The following PRUNE2 variants were observed in gnomAD, a reference collection of about 807,000 sequenced individuals.
PRUNE2 encodes the protein protein prune homolog 2.
PRUNE2 carries 164 observed loss-of-function variants against 252.0 expected under a neutral mutation model. The ratio of observed to expected loss-of-function variants is 0.65; its 90% CI spans 0.57 to 0.74. PRUNE2 has a LOEUF of 0.74. Ranked by LOEUF, PRUNE2 falls within the 30% of genes least tolerant of loss-of-function variation. The pLI, the probability that PRUNE2 is intolerant of heterozygous loss-of-function variation, is 0.00. For synonymous variants in PRUNE2, 1,292 were observed against 1,350.2 expected, an observed-to-expected ratio of 0.96 and a Z score of 0.94; for missense variants, 3,495 against 3,711.0, an observed-to-expected ratio of 0.94 and a Z score of 1.51.
chr9:76,854,996 G>A (rs2060163607), intron 1 of PRUNE2, among the ~76,000 whole-genome samples: 1 of 149,202 alleles, frequency 6.7e-6, no homozygotes, highest in Admixed American at 6.7e-5. Context: ...AACCCAGGAG[G>A]CGGAGGTTGC....
intron 17 of PRUNE2, among the ~76,000 whole-genome samples, chr9:76,622,456 C>A (rs1466230257): frequency 6.6e-6 from 1 of 152,092 alleles, no homozygotes; most frequent in African/African-American, 2.4e-5. Flanking sequence ...AGAAACATGA[C>A]AATATGACTT....
intron 6 of PRUNE2, among the ~76,000 whole-genome samples, chr9:76,780,490 A>AT (rs2054259217): frequency 6.6e-6 from 1 of 152,056 alleles, no homozygotes; most frequent in African/African-American, 2.4e-5. Flanking sequence ...GATCAAGACC[A>AT]TCCTGGCTAA....
At chr9:76,820,103 G>A (rs763870102) in intron 6 of PRUNE2, among the ~76,000 whole-genome samples, 1 of 152,126 alleles carries the variant, frequency 6.6e-6, no homozygotes, top group Non-Finnish European at 1.5e-5. Flanking sequence ...TGGCTTGGAG[G>A]CTGAGCGAAA....
intron 6 of PRUNE2, among the ~76,000 whole-genome samples, chr9:76,778,208 C>G (rs1261582277): frequency 6.6e-6 from 1 of 152,210 alleles, no homozygotes; most frequent in East Asian, 1.9e-4. Flanking sequence ...CTGAGGAAGA[C>G]TGCTGCAGGC....
intron 9 of PRUNE2, among the ~76,000 whole-genome samples, chr9:76,698,602 A>G (rs1251888611): frequency 6.6e-6 from 1 of 152,104 alleles, no homozygotes; most frequent in East Asian, 1.9e-4. Flanking sequence ...CAGGGTTCCC[A>G]TTATCCAACA....
chr9:76,837,233 A>G (rs2059038698), intron 4 of PRUNE2, among the ~76,000 whole-genome samples: 1 of 151,980 alleles, frequency 6.6e-6, no homozygotes, highest in South Asian at 2.1e-4. Context: ...CACAAGGTGA[A>G]GCGATTGAGA....
rs139153231 is a variant in PRUNE2 at position 76,624,174 on chromosome 9, T to G, written c.9188+278A>C. ...ATGTCACACTATATGTGGCAGTGCC[T>G]GTGATGTGCTCTTTTGTTGTGGTGC... On this transcript the variant is annotated intron_variant, in intron 17 of 18. Transcript: ENST00000376718. Among the ~76,000 whole-genome samples the G allele has an allele frequency of 9.0e-3, 1,367 of 152,312 alleles. 17 individuals are homozygous for G. Among genetic ancestry groups the G allele is most frequent in the African/African-American group, 0.03 (1,245 of 41,548 alleles).
At chr9:76,773,227 A>G (rs574922328) in intron 6 of PRUNE2, among the ~76,000 whole-genome samples, 56 of 152,324 alleles carry the variant, frequency 3.7e-4, no homozygotes, top group African/African-American at 1.2e-3. Flanking sequence ...TACTGTGTGC[A>G]CTGACTGAGA....
intron 6 of PRUNE2, among the ~76,000 whole-genome samples, chr9:76,754,897 C>T (rs1344495570): frequency 4.6e-5 from 6 of 129,936 alleles, no homozygotes; most frequent in African/African-American, 1.4e-4. Context: ...ACCCGGGAGG[C>T]GGAGGTTGCA....
At position 76,652,560 on chromosome 9, in the gene PRUNE2, C is replaced by G; in HGVS notation, c.8480G>C (p.Ser2827Thr). 6.2e-7 allele frequency: 1 copy of G among 1,613,298 alleles called. No individual in the cohort carries two copies. Among genetic ancestry groups the G allele is most frequent in the African/African-American group, 1.3e-5 (1 of 75,020 alleles). The change falls in exon 11 of 19, where the codon AGT (serine) becomes ACT (threonine). Residue 2827 changes from serine to threonine, a missense_variant. Ser to Thr is a moderately conservative substitution (Grantham distance 58). Transcript: ENST00000376718. ...GSILSDDNLD[S>T]PDEIDINVDE... is the part of the protein sequence containing the mutation. ...CACATTGATGTCAATTTCATCTGGACTGTCCAAGTTATCATCAGAGAGAAT... is the reference window on the plus strand; with the variant it reads ...CACATTGATGTCAATTTCATCTGGAGTGTCCAAGTTATCATCAGAGAGAAT...
chr9:76,681,253 CAG>C (rs1195744605), intron 9 of PRUNE2, among the ~76,000 whole-genome samples: 1 of 151,912 alleles, frequency 6.6e-6, no homozygotes, highest in Non-Finnish European at 1.5e-5. Context: ...TTCATAGAAA[CAG>C]AAAGTAGAAT....
chr9:76,826,776 G>A, intron 4 of PRUNE2, 44 bp from the exon 5 acceptor site: 1 of 1,476,638 alleles, frequency 6.8e-7, no homozygotes, highest in Non-Finnish European at 9.1e-7. Context: ...TTCCAGCCAA[G>A]CCAGAACAGG....
At chr9:76,620,998 A>G (rs1170751365) in intron 17 of PRUNE2, among the ~76,000 whole-genome samples, 1 of 152,188 alleles carries the variant, frequency 6.6e-6, no homozygotes, top group African/African-American at 2.4e-5. Flanking sequence ...TAAAGAAAAG[A>G]TAAGGCAGGC....
intron 6 of PRUNE2, among the ~76,000 whole-genome samples, chr9:76,796,451 A>C (rs2056100400): frequency 6.6e-6 from 1 of 152,184 alleles, no homozygotes; most frequent in Non-Finnish European, 1.5e-5. Context: ...GATTCTGTAA[A>C]AGAACTTGAA....
chr9:76,788,103 T>C (rs140071462), intron 6 of PRUNE2, among the ~76,000 whole-genome samples: 19 of 152,300 alleles, frequency 1.2e-4, no homozygotes, highest in African/African-American at 4.1e-4. Context: ...CCTCACCTGG[T>C]TTTCTAATAT....
chr9:76,665,550 C>T (rs1227902250), intron 9 of PRUNE2, among the ~76,000 whole-genome samples: 4 of 152,184 alleles, frequency 2.6e-5, no homozygotes, highest in African/African-American at 9.7e-5. Flanking sequence ...CTCCCCACTG[C>T]CACCCTCTCC....
At chr9:76,891,651 T>C (rs2062479415) in intron 1 of PRUNE2, among the ~76,000 whole-genome samples, 1 of 152,270 alleles carries the variant, frequency 6.6e-6, no homozygotes, top group African/African-American at 2.4e-5. Flanking sequence ...AAAAGTGCCC[T>C]GTATTTTCAC....
At chr9:76,655,369 A>G in intron 10 of PRUNE2, 54 bp downstream of exon 10, 2 of 1,253,056 alleles carry the variant, frequency 1.6e-6, no homozygotes, top group East Asian at 2.4e-5. Flanking sequence ...CTGAATAATG[A>G]AAACGTTGGG....
chr9:76,790,963 A>G (rs77256722), intron 6 of PRUNE2, among the ~76,000 whole-genome samples: 1 of 152,252 alleles, frequency 6.6e-6, no homozygotes, highest in Admixed American at 6.5e-5. Context: ...TTGGAATTCA[A>G]GTTTAAAACT....
Sources: allele counts gnomAD v4.1 joint callset (sites outside exome capture counted in the v4.1 genomes callset), GRCh38; gene constraint gnomAD v4.1.1; transcripts MANE v1.5; gene names NCBI Gene and HGNC (gene_info 2026-07-23, HGNC 2026-07-21).